Variants in CDK13 observed in about 807,000 individuals in gnomAD.
CDK13 encodes cyclin dependent kinase 13.
A neutral mutation model predicts 137.6 loss-of-function variants in CDK13; 40 were observed. The ratio of observed to expected loss-of-function variants is 0.29; its 90% CI spans 0.23 to 0.38. The LOEUF (loss-of-function observed/expected upper bound fraction) is 0.38. CDK13 is among the 10% of genes least tolerant of loss of function. CDK13 has a pLI of 1.00. For synonymous variants in CDK13, 869 were observed against 760.1 expected, an observed-to-expected ratio of 1.14 and a Z score of -2.36; for missense variants, 1,704 against 1,951.8, an observed-to-expected ratio of 0.87 and a Z score of 2.39.
intron 1 of CDK13, chr7:39,986,425 C>G (rs925682201): frequency 2.3e-4 from 35 of 152,084 alleles, no homozygotes; most frequent in African/African-American, 8.2e-4. Context: ...CAAGTAGTTT[C>G]CAAGATTTAG....
intron 7 of CDK13, among the ~76,000 whole-genome samples, chr7:40,057,567 C>T (rs911199128): frequency 6.6e-6 from 1 of 152,128 alleles, no homozygotes; most frequent in Non-Finnish European, 1.5e-5. Context: ...TGGACAGCTG[C>T]CATAGAAGGG....
At chr7:40,001,313 C>G (rs1784680843) in intron 4 of CDK13, among the ~76,000 whole-genome samples, 1 of 151,760 alleles carries the variant, frequency 6.6e-6, no homozygotes, top group Non-Finnish European at 1.5e-5. Context: ...CTGCAACCTC[C>G]ACCTCCCGGG....
intron 1 of CDK13, among the ~76,000 whole-genome samples, chr7:39,955,261 A>G (rs1787373496): frequency 6.6e-6 from 1 of 152,182 alleles, no homozygotes; most frequent in Non-Finnish European, 1.5e-5. Context: ...AATCCATGTG[A>G]TAGTTGGAAA....
rs1254584935 is a variant in CDK13, at chr7:40,094,217, A to G, written c.3776A>G (p.Gln1259Arg). ...PDRPRILPPD[Q>R]RPPEPPEPPP... ...CGGCCTCGAATTCTGCCTCCTGACC[A>G]ACGACCTCCCGAGCCTCCTGAACCA... The change falls in exon 14 of 14, where the codon CAA becomes CGA. Residue 1259 changes from glutamine (Q) to arginine (R), a missense_variant. Around this residue, in one of 5 missense-constraint regions of CDK13, gnomAD observed 475 missense variants for 579.3 expected, o/e 0.82. Coordinates refer to ENST00000181839, the MANE Select transcript of CDK13 (RefSeq NM_003718.5). 6.2e-7 allele frequency: 1 copy of G among 1,613,552 alleles called. No individual in the cohort carries two copies. Among genetic ancestry groups the G allele is most frequent in the East Asian group, 2.2e-5 (1 of 44,868 alleles).
chr7:39,951,679 T>G lies in CDK13; in HGVS notation c.1038T>G (p.Gly346=), dbSNP rs2116070170. 2 of 1,463,594 alleles carry G rather than the reference T, an allele frequency of 1.4e-6. No individual in the cohort carries two copies. Among genetic ancestry groups the G allele is most frequent in the South Asian group, 1.4e-5 (1 of 71,456 alleles). 90.7% of individuals were successfully genotyped at this position (1,463,594 alleles called of 1,614,324 possible). A position where few individuals can be genotyped will look rare whatever the true frequency, so the allele number is the denominator to read the frequency against. The change falls in exon 1 of 14, where the codon GGT becomes GGG. Residue 346 remains glycine, a synonymous_variant. Transcript: ENST00000181839. ...RSRKSPSPAG[G]GSSPYSRRLP... Reference sequence around the variant, plus strand: ...GCAAGTCCCCCAGCCCGGCAGGAGGTGGCAGCAGCCCCTATTCTCGGCGGC... The same window carrying G: ...GCAAGTCCCCCAGCCCGGCAGGAGGGGGCAGCAGCCCCTATTCTCGGCGGC...
At chr7:40,075,131 T>C (rs1317494318) in intron 9 of CDK13, among the ~76,000 whole-genome samples, 1 of 152,130 alleles carries the variant, frequency 6.6e-6, no homozygotes, top group Non-Finnish European at 1.5e-5. Context: ...TCAAGGAATA[T>C]TAAAAGCACA....
intron 5 of CDK13, among the ~76,000 whole-genome samples, chr7:40,009,971 G>C (rs1476777294): frequency 1.3e-5 from 2 of 152,090 alleles, no homozygotes; most frequent in Non-Finnish European, 2.9e-5. Context: ...AAATCCTGTG[G>C]AATCCACCAA....
intron 1 of CDK13, chr7:39,986,638 C>T (rs1562713046): frequency 1.3e-5 from 2 of 152,112 alleles, no homozygotes; most frequent in Non-Finnish European, 2.9e-5. Context: ...ACTTTGAAGA[C>T]TTAAATGATA....
chr7:40,016,796 A>G (rs1407171933), intron 5 of CDK13, among the ~76,000 whole-genome samples: 1 of 151,428 alleles, frequency 6.6e-6, no homozygotes, highest in African/African-American at 2.4e-5. Context: ...TGTAATTTAA[A>G]CGATACAAAC....
intron 2 of CDK13, among the ~76,000 whole-genome samples, chr7:39,995,836 C>T (rs920547268): frequency 2.6e-5 from 4 of 152,164 alleles, no homozygotes; most frequent in Middle Eastern, 3.4e-3. Context: ...GGTGAAACCC[C>T]ATCTCTACTA....
chr7:40,047,122 T>C lies in CDK13; in HGVS notation c.2544-699T>C, dbSNP rs78887971. Among the ~76,000 whole-genome samples, 316 of 152,214 alleles carry C rather than the reference T, an allele frequency of 2.1e-3. 4 individuals are homozygous for C. Among genetic ancestry groups the C allele is most frequent in the African/African-American group, 7.0e-3 (289 of 41,546 alleles). ...TTCCAAGTAATGTGAATGGATCATCTGATAAGCAATGTAACTTCAGCTTTA... is the reference window on the plus strand; with the variant it reads ...TTCCAAGTAATGTGAATGGATCATCCGATAAGCAATGTAACTTCAGCTTTA... On this transcript the variant is annotated intron_variant, in intron 6 of 13. Transcript: ENST00000181839.
At chr7:40,067,801 A>C (rs1584062721) in intron 9 of CDK13, 1 of 151,272 alleles carries the variant, frequency 6.6e-6, no homozygotes, top group African/African-American at 2.4e-5. Flanking sequence ...TCTACTAAAA[A>C]TATAAAAATT....
intron 5 of CDK13, among the ~76,000 whole-genome samples, chr7:40,029,148 T>C (rs889408576): frequency 2.0e-5 from 3 of 151,998 alleles, no homozygotes; most frequent in Non-Finnish European, 4.4e-5. Context: ...AGAAAAAGGC[T>C]GGGCGTGGTG....
chr7:40,097,234 T>C lies in CDK13; in HGVS notation c.*2254T>C, dbSNP rs1027492228. 3 of 152,032 alleles carry C rather than the reference T, an allele frequency of 2.0e-5. No individual in the cohort carries two copies. The highest frequency in any genetic ancestry group is 2.0e-4 in the Admixed American group (3 of 15,248). The allele number at this position is 152,032 out of a possible 1,614,324, so 9.4% of individuals were successfully genotyped here. A position where few individuals can be genotyped will look rare whatever the true frequency, so the allele number is the denominator to read the frequency against. ...GAAATTGTTGCTTTGACATTGAAAA[T>C]TTGAACTAGAACTTCTAATATTATC... On this transcript the variant is annotated 3_prime_UTR_variant, in exon 14 of 14. Transcript: ENST00000181839.
At position 39,957,531 on chromosome 7, in the gene CDK13, C is replaced by T. The variant is rs76718760; in HGVS notation, c.1211+5679C>T. Among the ~76,000 whole-genome samples the T allele has an allele frequency of 1.2e-4, 19 of 152,258 alleles. 1 individual carries two copies. In the East Asian group the frequency reaches 3.5e-3, roughly 28 times the overall value. On this transcript the variant is annotated intron_variant, in intron 1 of 13. Transcript: ENST00000181839. ...GATGCGAGTTATATCTGTAAACTTG[C>T]TTGGTATTTTGGTTTACATACACTC...
At chr7:40,018,784 T>C (rs1196675442) in intron 5 of CDK13, among the ~76,000 whole-genome samples, 2 of 152,094 alleles carry the variant, frequency 1.3e-5, no homozygotes, top group African/African-American at 2.4e-5. Flanking sequence ...CAGGGTACAG[T>C]GTACACTACT....
At chr7:39,953,110 C>CTAA (rs1260935189) in intron 1 of CDK13, among the ~76,000 whole-genome samples, 3 of 152,104 alleles carry the variant, frequency 2.0e-5, no homozygotes, top group African/African-American at 2.4e-5. Flanking sequence ...AATTAGCAGA[C>CTAA]CTTTTTGAAG....
chr7:39,998,490 A>G (rs1420030113), intron 3 of CDK13: 2 of 147,538 alleles, frequency 1.4e-5, no homozygotes, highest in Non-Finnish European at 2.9e-5. Flanking sequence ...GTGGTGGTGC[A>G]TGCCTGTGGT....
intron 2 of CDK13, among the ~76,000 whole-genome samples, chr7:39,994,853 G>C (rs1784528899): frequency 6.6e-6 from 1 of 150,546 alleles, no homozygotes; most frequent in African/African-American, 2.4e-5. Flanking sequence ...CTTCTTGGCA[G>C]TTCTTTTGCC....
Sources: gnomAD v4.1 joint callset for allele counts (sites outside exome capture counted in the v4.1 genomes callset) on GRCh38, gnomAD v4.1.1 for gene constraint, gnomAD v4.1.1 regional missense constraint, MANE v1.5 for transcripts, NCBI Gene and HGNC (gene_info 2026-07-23, HGNC 2026-07-21) for gene names.